The following DENND2B variants were observed in gnomAD, a reference collection of about 807,000 sequenced individuals.
The protein encoded by DENND2B is DENN domain containing 2B, also known as DENN domain-containing protein 2B.
A neutral mutation model predicts 116.0 loss-of-function variants in DENND2B; 32 were observed. That is an observed-to-expected ratio of 0.28 (90% CI 0.21 to 0.37). The LOEUF is 0.37. DENND2B is among the 10% of genes least tolerant of loss of function. The pLI is 1.00. For missense variants in DENND2B, 1,276 were observed against 1,477.7 expected (o/e 0.86, Z 2.24); for synonymous variants, 588 against 583.9 (o/e 1.01, Z -0.10).
chr11:8,737,796 G>A (rs958042059), intron 2 of DENND2B, among the ~76,000 whole-genome samples: 3 of 150,756 alleles, frequency 2.0e-5, no homozygotes, highest in African/African-American at 7.4e-5. Context: ...GTCTTGCTCT[G>A]TCGCTCAGGC....
Position 8,715,745 on chromosome 11 carries a change from C to A in DENND2B, c.1703G>T (p.Arg568Leu). 1 of 1,614,118 alleles carries A rather than the reference C, an allele frequency of 6.2e-7. No individual in the cohort carries two copies. The highest frequency in any genetic ancestry group is 1.1e-5 in the South Asian group (1 of 91,068). Residue 568 changes from arginine to leucine, a missense_variant, in exon 6 of 20, where the codon CGA becomes CTA. Physicochemically the swap from Arg to Leu is moderately radical, Grantham distance 102 (BLOSUM62 -2). Transcript: ENST00000313726. ...WSERKSHRLP[R>L]LPKRHSHDDM... Reference sequence around the variant, plus strand: ...GTCATGGCTGTGCCTCTTGGGTAATCGTGGCAGCCGGTGGCTCTTCCTTTC... The same window carrying A: ...GTCATGGCTGTGCCTCTTGGGTAATAGTGGCAGCCGGTGGCTCTTCCTTTC...
At chr11:8,743,135 A>AGT (rs750213926) in intron 2 of DENND2B, among the ~76,000 whole-genome samples, 1 of 151,946 alleles carries the variant, frequency 6.6e-6, no homozygotes, top group Non-Finnish European at 1.5e-5. Context: ...TGTGTGTGTG[A>AGT]GTGTGTGTGT....
rs199765301 is a variant in DENND2B, at chr11:8,730,842, C to T, written c.448G>A (p.Val150Ile). ...FPGPAAGPRG[V>I]LLTRTGTRAH... The stretch of plus-strand genomic sequence containing the variant: ...CGGGTACCGGTACGGGTCAGCAAGA[C>T]GCCCCGGGGGCCAGCTGCTGGCCCC... The change falls in exon 3 of 20, where the codon GTC becomes ATC. Residue 150 changes from valine to isoleucine, a missense_variant. Coordinates refer to ENST00000313726, the MANE Select transcript of DENND2B (RefSeq NM_213618.2). The surrounding 1 kb of genome is among the most constrained non-coding windows in gnomAD (Gnocchi z 4.1). 4.7e-4 allele frequency: 755 copies of T among 1,613,314 alleles called. 5 individuals carry two copies. The highest frequency in any genetic ancestry group is 3.3e-4 in the East Asian group (15 of 44,858).
chr11:8,738,415 A>C (rs1253666492), intron 2 of DENND2B, among the ~76,000 whole-genome samples: 1 of 152,096 alleles, frequency 6.6e-6, no homozygotes, highest in African/African-American at 2.4e-5. Context: ...CAGCGCTTGG[A>C]CTTCTCTAGC....
At chr11:8,800,195 C>A (rs1217832722) in intron 1 of DENND2B, among the ~76,000 whole-genome samples, 9 of 152,134 alleles carry the variant, frequency 5.9e-5, no homozygotes, top group Non-Finnish European at 1.3e-4. Flanking sequence ...CTCAAACAAT[C>A]CTCCTGCCCT....
At chr11:8,890,387 T>C (rs1457512855) in intron 1 of DENND2B, among the ~76,000 whole-genome samples, 1 of 152,072 alleles carries the variant, frequency 6.6e-6, no homozygotes, top group Non-Finnish European at 1.5e-5. Context: ...ACAAGCTGGA[T>C]GGAGAATGAC....
intron 1 of DENND2B, among the ~76,000 whole-genome samples, chr11:8,906,205 C>CTTTTTTTT (rs34217164): frequency 2.1e-5 from 2 of 93,306 alleles, no homozygotes; most frequent in Non-Finnish European, 4.5e-5. Context: ...TCTTTTTTTT[C>CTTTTTTTT]TTTTTTTTTT....
chr11:8,829,027 G>A (rs142787895), intron 4 of DENND2B, among the ~76,000 whole-genome samples: 2,807 of 149,866 alleles, frequency 0.019, 80 homozygotes, highest in African/African-American at 0.058. Flanking sequence ...TGTGTTGTGC[G>A]TGTGTGTGTA....
At chr11:8,880,140 TAGA>T (rs2063886332) in intron 2 of DENND2B, among the ~76,000 whole-genome samples, 1 of 152,194 alleles carries the variant, frequency 6.6e-6, no homozygotes, top group South Asian at 2.1e-4. Context: ...TTCAGTCTCC[TAGA>T]AGGTCAAACT....
intron 3 of DENND2B, among the ~76,000 whole-genome samples, chr11:8,840,192 T>G (rs1396114916): frequency 6.6e-6 from 1 of 151,970 alleles, no homozygotes; most frequent in Non-Finnish European, 1.5e-5. Flanking sequence ...ACACACACAC[T>G]TCCCCCAGCA....
intron 1 of DENND2B, among the ~76,000 whole-genome samples, chr11:8,757,580 T>C (rs1164394305): frequency 6.6e-6 from 1 of 152,248 alleles, no homozygotes; most frequent in Non-Finnish European, 1.5e-5. Flanking sequence ...GGAGCATTTA[T>C]TATGAGACAC....
At chr11:8,810,963 T>C, upstream of DENND2B, 1 of 238,570 alleles carries the variant, frequency 4.2e-6, no homozygotes. Flanking sequence ...GGGAACTTGC[T>C]TGAACAGCTC....
chr11:8,811,188 G>T (rs1264711208), upstream of DENND2B: 2 of 398,126 alleles, frequency 5.0e-6, no homozygotes, highest in Non-Finnish European at 8.9e-6. Flanking sequence ...CCGGGCAGCA[G>T]TTGGGGCGGA....
intron 8 of DENND2B, 112 bp downstream of exon 8, chr11:8,713,886 C>T (rs1033140960): frequency 1.7e-6 from 2 of 1,173,950 alleles, no homozygotes; most frequent in Non-Finnish European, 2.5e-6. Flanking sequence ...TCTGTCACCT[C>T]TCCACATCAG....
At chr11:8,881,270 A>G (rs1054545035) in intron 1 of DENND2B, among the ~76,000 whole-genome samples, 5 of 152,048 alleles carry the variant, frequency 3.3e-5, no homozygotes. Flanking sequence ...GGGCCTTTTT[A>G]ATCTGGAGGC....
intron 2 of DENND2B, among the ~76,000 whole-genome samples, chr11:8,878,708 T>A (rs115669972): frequency 0.013 from 1,922 of 152,234 alleles, 48 homozygotes; most frequent in African/African-American, 0.044. Context: ...ATGTGGTGTA[T>A]CTATACAGTG....
Position 8,730,701 on chromosome 11 carries a change from C to T in DENND2B, c.589G>A (p.Ala197Thr). Residue 197 changes from alanine to threonine, a missense_variant, in exon 3 of 20, where the codon GCC (alanine) becomes ACC (threonine). Transcript: ENST00000313726. This position sits in a 1 kb window ranked among gnomAD's most constrained non-coding sequence, Gnocchi z 4.1. ...CCCAGGCTGGGGCAGCCCTCACTGG[C>T]CGCCCACTCGCTCCCAGAGCCCTCC... ...KREGSGSEWA[A>T]SEGCPSLGCP... is the part of the protein sequence containing the mutation. The T allele has an allele frequency of 1.9e-6, 3 of 1,611,744 alleles. No individual in the cohort carries two copies. The highest frequency in any genetic ancestry group is 2.2e-5 in the East Asian group (1 of 44,846).
chr11:8,905,957 T>C (rs1311901965), intron 1 of DENND2B, among the ~76,000 whole-genome samples: 1 of 151,420 alleles, frequency 6.6e-6, no homozygotes, highest in African/African-American at 2.4e-5. Context: ...CTATATGAAT[T>C]GTCCAGAAAA....
chr11:8,699,865 T>A (rs1343653640), intron 14 of DENND2B: 1 of 456,260 alleles, frequency 2.2e-6, no homozygotes, highest in Non-Finnish European at 4.4e-6. Context: ...ACCCCTCCCC[T>A]CTCCAGCCAG....
Sources: gnomAD v4.1 joint callset for allele counts (sites outside exome capture counted in the v4.1 genomes callset) on GRCh38, gnomAD v4.1.1 for gene constraint, Gnocchi (gnomAD v3.1) non-coding constraint, MANE v1.5 for transcripts, NCBI Gene and HGNC (gene_info 2026-07-23, HGNC 2026-07-21) for gene names.